The following PLCL1 variants were observed in gnomAD, a reference collection of about 807,000 sequenced individuals.
PLCL1 encodes the protein inactive phospholipase C-like protein 1.
PLCL1 carries 41 observed loss-of-function variants against 84.4 expected under a neutral mutation model. The observed-to-expected ratio is 0.49, with a 90% CI of 0.38 to 0.63. The LOEUF is 0.63. PLCL1 is among the 30% of genes least tolerant of loss of function. The pLI is 0.00. For synonymous variants in PLCL1, 490 were observed against 488.3 expected (o/e 1.00, Z -0.05); for missense variants, 1,206 against 1,367.8 (o/e 0.88, Z 1.87).
chr2:197,966,834 C>T (rs148705885), intron 1 of PLCL1, among the ~76,000 whole-genome samples: 2,062 of 149,028 alleles, frequency 0.014, 61 homozygotes, highest in African/African-American at 0.047. Context: ...GCTCTGTCTC[C>T]ATCCATACTA....
Position 198,147,073 on chromosome 2 carries a change from G to T in PLCL1, c.*111G>T. 3 of 741,852 alleles carry T rather than the reference G, an allele frequency of 4.0e-6. No individual in the cohort carries two copies. Among genetic ancestry groups the T allele is most frequent in the East Asian group, 5.6e-5 (2 of 35,882 alleles). 46.0% of individuals were successfully genotyped at this position (741,852 alleles called of 1,614,324 possible). On this transcript the variant is annotated 3_prime_UTR_variant, in exon 6 of 6. Coordinates refer to ENST00000428675, the MANE Select transcript of PLCL1 (RefSeq NM_006226.4). ...TTCACAAAATGGTGCCCTATATGGG[G>T]TATTGGACATAGATATTTTCACAAT...
At chr2:197,911,028 G>C (rs542275559) in intron 1 of PLCL1, among the ~76,000 whole-genome samples, 4 of 152,108 alleles carry the variant, frequency 2.6e-5, no homozygotes, top group African/African-American at 9.6e-5. Flanking sequence ...TTGATATTTT[G>C]GGTATAATAC....
chr2:197,984,363 C>T (rs1282834264), intron 1 of PLCL1, among the ~76,000 whole-genome samples: 1 of 151,970 alleles, frequency 6.6e-6, no homozygotes, highest in Admixed American at 6.5e-5. Context: ...TTTTTCTTAG[C>T]ACCATAGATG....
chr2:197,966,637 G>A (rs1348502766), intron 1 of PLCL1, among the ~76,000 whole-genome samples: 1 of 152,108 alleles, frequency 6.6e-6, no homozygotes, highest in Non-Finnish European at 1.5e-5. Context: ...GGATGGCACT[G>A]GCAATTCAAG....
chr2:197,882,531 AC>A (rs140577739), intron 1 of PLCL1, among the ~76,000 whole-genome samples: 1,855 of 152,210 alleles, frequency 0.012, 48 homozygotes, highest in African/African-American at 0.042. Context: ...TATTTTCCCA[AC>A]AATGCTAAAG....
chr2:198,051,473 T>C (rs1691929526), intron 1 of PLCL1, among the ~76,000 whole-genome samples: 1 of 152,158 alleles, frequency 6.6e-6, no homozygotes, highest in Non-Finnish European at 1.5e-5. Flanking sequence ...ACATATAATT[T>C]TCTACTTGAA....
At chr2:197,836,977 G>C (rs1490406331) in intron 1 of PLCL1, among the ~76,000 whole-genome samples, 2 of 152,144 alleles carry the variant, frequency 1.3e-5, no homozygotes. Flanking sequence ...TGGGATTATA[G>C]GTATGAGCCA....
chr2:197,934,569 G>A (rs1689013241), intron 1 of PLCL1, among the ~76,000 whole-genome samples: 1 of 152,136 alleles, frequency 6.6e-6, no homozygotes, highest in East Asian at 1.9e-4. Context: ...TTGCAGATAA[G>A]AGAGGCATAA....
intron 1 of PLCL1, among the ~76,000 whole-genome samples, chr2:198,026,846 A>G (rs1442956765): frequency 6.6e-6 from 1 of 152,230 alleles, no homozygotes; most frequent in South Asian, 2.1e-4. Context: ...AATGGCTAAT[A>G]TAGAAAATAC....
At chr2:197,912,933 C>A (rs1688515688) in intron 1 of PLCL1, among the ~76,000 whole-genome samples, 1 of 137,090 alleles carries the variant, frequency 7.3e-6, no homozygotes. Flanking sequence ...CACATGTACC[C>A]TAAAACTTAC....
intron 1 of PLCL1, among the ~76,000 whole-genome samples, chr2:197,981,231 A>AGCTT (rs1002225647): frequency 2.0e-5 from 3 of 152,230 alleles, no homozygotes; most frequent in Non-Finnish European, 4.4e-5. Context: ...ACACACATGT[A>AGCTT]GCTTGTAGTG....
chr2:198,119,651 T>C (rs1693825130), intron 5 of PLCL1, among the ~76,000 whole-genome samples: 1 of 151,848 alleles, frequency 6.6e-6, no homozygotes. Flanking sequence ...CCCCTCACCC[T>C]CCAATTCTCA....
At chr2:197,956,074 G>C (rs1156468153) in intron 1 of PLCL1, among the ~76,000 whole-genome samples, 1 of 151,766 alleles carries the variant, frequency 6.6e-6, no homozygotes. Flanking sequence ...TGTGGTGTTT[G>C]GTTTTCTGTT....
chr2:197,923,638 A>G (rs1688768594), intron 1 of PLCL1, among the ~76,000 whole-genome samples: 1 of 134,168 alleles, frequency 7.5e-6, no homozygotes, highest in South Asian at 2.7e-4. Context: ...CCTAGATGGG[A>G]TGGCGGCCGG....
intron 1 of PLCL1, among the ~76,000 whole-genome samples, chr2:198,015,503 T>G (rs1574247796): frequency 6.6e-6 from 1 of 152,158 alleles, no homozygotes; most frequent in East Asian, 1.9e-4. Flanking sequence ...TGGTGAGTAA[T>G]CAGTTAATAC....
chr2:198,089,797 A>G (rs1024814396), intron 3 of PLCL1, among the ~76,000 whole-genome samples: 15 of 152,314 alleles, frequency 9.8e-5, no homozygotes, highest in Middle Eastern at 3.4e-3. Context: ...TAGGCAATTC[A>G]CTTACCCCCC....
Position 197,805,031 on chromosome 2 carries a change from G to T in PLCL1, c.-69G>T, listed in dbSNP as rs1229646184. ...CGCCTCCCGGTGCAGGAGCGCACCGGTGCCTAGCGGCTGGACTCCGCTGCC... is the reference window on the plus strand; with the variant it reads ...CGCCTCCCGGTGCAGGAGCGCACCGTTGCCTAGCGGCTGGACTCCGCTGCC... On this transcript the variant is annotated 5_prime_UTR_variant, in exon 1 of 6. Coordinates refer to ENST00000428675, the MANE Select transcript of PLCL1 (RefSeq NM_006226.4). This position sits in a 1 kb window ranked among gnomAD's most constrained non-coding sequence, Gnocchi z 4.0. 7.1e-7 allele frequency: 1 copy of T among 1,406,404 alleles called. No individual in the cohort carries two copies. 87.1% of individuals were successfully genotyped at this position (1,406,404 alleles called of 1,614,324 possible). A position where few individuals can be genotyped will look rare whatever the true frequency, so the allele number is the denominator to read the frequency against.
intron 1 of PLCL1, among the ~76,000 whole-genome samples, chr2:197,879,021 A>G (rs1687783919): frequency 6.6e-6 from 1 of 152,212 alleles, no homozygotes; most frequent in Non-Finnish European, 1.5e-5. Flanking sequence ...AACTGGCTGG[A>G]GCTGAGGGGC....
intron 1 of PLCL1, among the ~76,000 whole-genome samples, chr2:197,872,019 C>T (rs1364986932): frequency 6.6e-6 from 1 of 152,128 alleles, no homozygotes; most frequent in Non-Finnish European, 1.5e-5. Flanking sequence ...TTCAGCTGTG[C>T]TGTCACTTTG....
Sources: allele counts gnomAD v4.1 joint callset (sites outside exome capture counted in the v4.1 genomes callset), GRCh38; gene constraint gnomAD v4.1.1; non-coding constraint Gnocchi (gnomAD v3.1); transcripts MANE v1.5; gene names NCBI Gene and HGNC (gene_info 2026-07-23, HGNC 2026-07-21).